Variants in DMD observed in about 807,000 individuals in gnomAD.
DMD encodes the protein mutant dystrophin.
Under a neutral mutation model 330.1 loss-of-function variants are expected in DMD, and 63 were observed. The ratio of observed to expected loss-of-function variants is 0.19; its 90% CI spans 0.16 to 0.24. The LOEUF is 0.24. DMD is among the 10% of genes least tolerant of loss of function. The probability of loss-of-function intolerance (pLI) is 1.00; values close to 1 mark genes in which losing one functional copy is unlikely to be tolerated. For missense variants in DMD, 3,344 were observed against 2,684.1 expected (o/e 1.25, Z -5.43); for synonymous variants, 1,223 against 959.8 (o/e 1.27, Z -5.07).
intron 2 of DMD, among the ~76,000 whole-genome samples, chrX:32,917,652 CT>C (rs1316592366): frequency 4.5e-5 from 5 of 112,072 alleles, no homozygotes; most frequent in African/African-American, 1.3e-4. Flanking sequence ...TAAATTGCAT[CT>C]TCTGGCTCTA....
chrX:32,753,278 T>A (rs1229925001), intron 7 of DMD, among the ~76,000 whole-genome samples: 1 of 112,210 alleles, frequency 8.9e-6, no homozygotes, highest in Non-Finnish European at 1.9e-5. Flanking sequence ...CAATCATAAT[T>A]ATGCTGGTAT....
intron 45 of DMD, among the ~76,000 whole-genome samples, chrX:31,951,175 G>GTA (rs1244761050): frequency 2.5e-4 from 16 of 63,496 alleles, no homozygotes; most frequent in South Asian, 5.5e-4. Context: ...ATATATATAT[G>GTA]TATATATATA....
intron 44 of DMD, among the ~76,000 whole-genome samples, chrX:32,208,862 T>C (rs2097082261): frequency 9.0e-6 from 1 of 111,049 alleles, no homozygotes; most frequent in Admixed American, 9.7e-5. Context: ...TGTTAAAGTA[T>C]CAGGCAATGT....
intron 55 of DMD, among the ~76,000 whole-genome samples, chrX:31,522,363 C>CTCTCTCTCTCTATA: frequency 2.1e-3 from 76 of 35,952 alleles, no homozygotes; most frequent in Non-Finnish European, 2.9e-3. Flanking sequence ...CTCTCTCTCT[C>CTCTCTCTCTCTATA]TATATATATA....
chrX:31,828,858 C>T (rs1398321421), intron 49 of DMD, among the ~76,000 whole-genome samples: 1 of 110,507 alleles, frequency 9.0e-6, no homozygotes, highest in Non-Finnish European at 1.9e-5. Context: ...GGGAATCCTC[C>T]CTAAATCATT....
At chrX:32,575,217 G>A (rs1178722867) in intron 13 of DMD, among the ~76,000 whole-genome samples, 2 of 111,241 alleles carry the variant, frequency 1.8e-5, no homozygotes, top group Non-Finnish European at 3.8e-5. Context: ...CTATTTCTAA[G>A]TGACTAGGAG....
At chrX:33,197,740 T>C (rs754859760) in intron 1 of DMD, among the ~76,000 whole-genome samples, 13 of 111,722 alleles carry the variant, frequency 1.2e-4, no homozygotes, top group Non-Finnish European at 2.3e-4. Context: ...TTGACATCCA[T>C]TGGAGTTGTG....
At chrX:33,118,639 T>G (rs747373570) in intron 1 of DMD, among the ~76,000 whole-genome samples, 5 of 111,866 alleles carry the variant, frequency 4.5e-5, no homozygotes, top group Non-Finnish European at 9.4e-5. Flanking sequence ...GGATTAGCGA[T>G]AAAATTAATG....
rs770996763 is a variant in DMD at position 31,177,969 on chromosome X, G to C, written c.10225C>G (p.Pro3409Ala). 5.0e-6 allele frequency: 6 copies of C among 1,204,295 alleles called. No individual in the cohort carries two copies. Among genetic ancestry groups the C allele is most frequent in the Non-Finnish European group, 5.6e-6 (5 of 891,556 alleles). The part of the protein sequence containing the change: ...TVLEGDNMET[P>A]VTLINFWPVD... ...GGCCAGAAGTTGATCAGAGTAACGG[G>C]ACTGCAAAACAAAAAATGAGGTGGT... is the stretch of plus-strand genomic sequence containing the variant. Residue 3409 changes from proline to alanine, a missense_variant and splice_region_variant, in exon 71 of 79, where the codon CCC (proline) becomes GCC (alanine). Physicochemically the swap from Pro to Ala is conservative, Grantham distance 27. Transcript: ENST00000357033.
At chrX:31,818,068 A>G (rs922896032) in intron 50 of DMD, among the ~76,000 whole-genome samples, 3 of 111,566 alleles carry the variant, frequency 2.7e-5, no homozygotes, top group African/African-American at 9.8e-5. Context: ...CACAGGATTC[A>G]CCTGGGGATT....
intron 60 of DMD, among the ~76,000 whole-genome samples, chrX:31,370,041 G>C (rs1294562661): frequency 9.6e-6 from 1 of 103,711 alleles, no homozygotes; most frequent in Non-Finnish European, 2.0e-5. Flanking sequence ...GGAACTTGCA[G>C]TGAGCCAAGA....
At chrX:31,537,398 G>A (rs762197763) in intron 55 of DMD, among the ~76,000 whole-genome samples, 2 of 111,264 alleles carry the variant, frequency 1.8e-5, no homozygotes, top group South Asian at 3.8e-4. Context: ...TCTCATCTAC[G>A]AACTTTACTC....
intron 52 of DMD, among the ~76,000 whole-genome samples, chrX:31,708,717 T>C (rs2084382612): frequency 8.9e-6 from 1 of 112,088 alleles, no homozygotes; most frequent in Non-Finnish European, 1.9e-5. Context: ...AGTATTAGTA[T>C]TATAAAATGC....
intron 1 of DMD, among the ~76,000 whole-genome samples, chrX:33,107,860 A>C (rs1054053088): frequency 9.0e-6 from 1 of 111,624 alleles, no homozygotes; most frequent in African/African-American, 3.2e-5. Context: ...ATAGTACTGT[A>C]TATTTTTTTA....
intron 30 of DMD, among the ~76,000 whole-genome samples, chrX:32,395,123 C>T (rs1006961319): frequency 5.8e-4 from 64 of 110,675 alleles, no homozygotes; most frequent in Non-Finnish European, 6.6e-4. Flanking sequence ...ACTTGCTGCC[C>T]TCTAACAATT....
intron 44 of DMD, among the ~76,000 whole-genome samples, chrX:32,057,394 T>C (rs1364637582): frequency 1.8e-5 from 2 of 111,326 alleles, no homozygotes; most frequent in Non-Finnish European, 3.8e-5. Context: ...CACAGAGACA[T>C]GGTTAGAACC....
chrX:32,732,291 G>A (rs1403781696), intron 7 of DMD, among the ~76,000 whole-genome samples: 1 of 111,171 alleles, frequency 9.0e-6, no homozygotes, highest in Non-Finnish European at 1.9e-5. Flanking sequence ...TCTGATTGGT[G>A]TACCTGAAAG....
intron 1 of DMD, among the ~76,000 whole-genome samples, chrX:33,048,694 T>TTAAAAA (rs1557232463): frequency 2.8e-5 from 1 of 35,618 alleles, no homozygotes; most frequent in African/African-American, 1.4e-4. Context: ...ACTCCCCATC[T>TTAAAAA]AAAAAAAAAA....
intron 2 of DMD, among the ~76,000 whole-genome samples, chrX:32,851,222 C>A (rs186003480): frequency 5.4e-5 from 6 of 110,450 alleles, no homozygotes; most frequent in Non-Finnish European, 9.4e-5. Flanking sequence ...AACCAGGTAG[C>A]CATGTCAATG....
Sources: allele counts gnomAD v4.1 joint callset (sites outside exome capture counted in the v4.1 genomes callset), GRCh38; gene constraint gnomAD v4.1.1; transcripts MANE v1.5; gene names NCBI Gene and HGNC (gene_info 2026-07-23, HGNC 2026-07-21).